Variants in CEP57L1 observed in about 807,000 individuals in gnomAD.
CEP57L1 encodes centrosomal protein 57 like 1.
In CEP57L1, 37 loss-of-function variants were observed where a neutral mutation model predicts 61.0. That is an observed-to-expected ratio of 0.61 (90% CI 0.47 to 0.80). CEP57L1 has a LOEUF of 0.80. Among genes scored for constraint, CEP57L1 ranks in the 30% least tolerant of loss-of-function variants. The pLI is 0.00. For synonymous variants in CEP57L1, 137 were observed against 162.3 expected, an observed-to-expected ratio of 0.84 and a Z score of 1.19; for missense variants, 422 against 524.7, an observed-to-expected ratio of 0.80 and a Z score of 1.91.
intron 1 of CEP57L1, among the ~76,000 whole-genome samples, chr6:109,123,725 C>G (rs1447364110): frequency 6.6e-6 from 1 of 152,082 alleles, no homozygotes; most frequent in Non-Finnish European, 1.5e-5. Context: ...CTAATTTTCT[C>G]TAGTTTTTCT....
Position 109,110,328 on chromosome 6 carries a change from A to C in CEP57L1, c.-4+14753A>C, listed in dbSNP as rs545515626. On this transcript the variant is annotated intron_variant, in intron 1 of 10. Transcript: ENST00000517392. ...TTTTTTTCATATGTTTGTTGGCTGC[A>C]TAAATGTCTTCTTTTGAGAAGTGTC... Among the ~76,000 whole-genome samples, 5 of 152,338 alleles carry C rather than the reference A, an allele frequency of 3.3e-5. No individual in the cohort carries two copies. In the South Asian group the frequency reaches 1.0e-3, roughly 32 times the overall value.
chr6:109,095,667 G>T, intron 1 of CEP57L1, 92 bp downstream of exon 1: 13 of 835,050 alleles, frequency 1.6e-5, no homozygotes, highest in Non-Finnish European at 1.9e-5. Flanking sequence ...GCCATCTAGG[G>T]TGGCCTCCCT....
At position 109,169,313 on chromosome 6, in the gene CEP57L1, T is replaced by C. The variant is rs1774299810; in HGVS notation, c.*6343T>C. 6.6e-6 allele frequency among the ~76,000 whole-genome samples: 1 copy of C among 151,980 alleles called. No homozygotes were observed. Among genetic ancestry groups the C allele is most frequent in the Admixed American group, 6.6e-5 (1 of 15,246 alleles). ...TGTGAAACTTTGTGAGTACGGGTTG[T>C]CATTTTTAATGTAGCCCTAAATGTT... On this transcript the variant is annotated 3_prime_UTR_variant, in exon 11 of 11. Coordinates refer to ENST00000517392, the MANE Select transcript of CEP57L1 (RefSeq NM_001271852.3).
intron 1 of CEP57L1, among the ~76,000 whole-genome samples, chr6:109,110,608 T>C (rs959921264): frequency 1.3e-4 from 20 of 152,240 alleles, no homozygotes; most frequent in Non-Finnish European, 2.2e-4. Context: ...CCCATGCCAA[T>C]GTCCTGAATG....
At chr6:109,137,600 T>G (rs1363615853) in intron 1 of CEP57L1, among the ~76,000 whole-genome samples, 1 of 152,202 alleles carries the variant, frequency 6.6e-6, no homozygotes, top group Non-Finnish European at 1.5e-5. Context: ...GCTCCCAGCC[T>G]CAAAACATAC....
chr6:109,129,549 C>A, intron 1 of CEP57L1: 2 of 455,518 alleles, frequency 4.4e-6, no homozygotes, highest in Non-Finnish European at 8.8e-6. Context: ...ATATAATTTA[C>A]TTCTACATTA....
At chr6:109,139,787 C>T (rs1040323628) in intron 1 of CEP57L1, among the ~76,000 whole-genome samples, 1 of 151,914 alleles carries the variant, frequency 6.6e-6, no homozygotes, top group Non-Finnish European at 1.5e-5. Context: ...CATGCCCAGC[C>T]TGCCTGGCTA....
intron 1 of CEP57L1, among the ~76,000 whole-genome samples, chr6:109,137,648 A>ATAC: frequency 6.6e-6 from 1 of 152,224 alleles, no homozygotes; most frequent in African/African-American, 2.4e-5. Context: ...TATGATTGTC[A>ATAC]TGTAATGAGT....
At chr6:109,110,214 T>A (rs1771431903) in intron 1 of CEP57L1, among the ~76,000 whole-genome samples, 1 of 152,232 alleles carries the variant, frequency 6.6e-6, no homozygotes, top group Admixed American at 6.5e-5. Context: ...GTTTCCTGAC[T>A]TTTTAAATGA....
intron 1 of CEP57L1, among the ~76,000 whole-genome samples, chr6:109,117,612 C>T (rs1772454698): frequency 6.6e-6 from 1 of 152,190 alleles, no homozygotes; most frequent in Non-Finnish European, 1.5e-5. Context: ...GTGACCTCTT[C>T]CTCTTTCCAT....
chr6:109,145,121 A>G, intron 1 of CEP57L1, 98 bp from the exon 2 acceptor site: 1 of 677,934 alleles, frequency 1.5e-6, no homozygotes, highest in Non-Finnish European at 2.4e-6. Flanking sequence ...TCCACAGTAT[A>G]TGATTATGTT....
rs999382299 is a variant in CEP57L1 at position 109,169,685 on chromosome 6, A to G, written c.*6715A>G. Among the ~76,000 whole-genome samples, 2 of 152,182 alleles carry G rather than the reference A, an allele frequency of 1.3e-5. No individual in the cohort carries two copies. The highest frequency in any genetic ancestry group is 2.9e-5 in the Non-Finnish European group (2 of 68,028). On this transcript the variant is annotated 3_prime_UTR_variant, in exon 11 of 11. Transcript: ENST00000517392. Reference sequence around the variant, plus strand: ...TTATGCTACCTCTTGGTAAAATCTAACCAAGCATGAGTCTTATGATTAAGA... The same window carrying G: ...TTATGCTACCTCTTGGTAAAATCTAGCCAAGCATGAGTCTTATGATTAAGA...
intron 2 of CEP57L1, among the ~76,000 whole-genome samples, chr6:109,146,259 ATAATTAT>A (rs1473432986): frequency 6.6e-6 from 1 of 151,946 alleles, no homozygotes; most frequent in Non-Finnish European, 1.5e-5. Context: ...CCATTAGGTT[ATAATTAT>A]CCTGGTTCTT....
chr6:109,145,444 T>C, intron 2 of CEP57L1, 63 bp downstream of exon 2: 3 of 1,117,750 alleles, frequency 2.7e-6, no homozygotes, highest in Non-Finnish European at 3.7e-6. Flanking sequence ...TTCATATTTA[T>C]GTGGAATACA....
At chr6:109,123,789 C>A (rs115277376) in intron 1 of CEP57L1, among the ~76,000 whole-genome samples, 202 of 152,220 alleles carry the variant, frequency 1.3e-3, no homozygotes, top group African/African-American at 4.7e-3. Context: ...CCACTTCTGG[C>A]CAGGCATGGT....
chr6:109,114,519 C>A (rs926818041), intron 1 of CEP57L1, among the ~76,000 whole-genome samples: 2 of 151,588 alleles, frequency 1.3e-5, no homozygotes, highest in Non-Finnish European at 2.9e-5. Context: ...CAGGAAATTT[C>A]TTCATTTTCA....
intron 1 of CEP57L1, chr6:109,130,662 T>C (rs1180693335): frequency 1.4e-5 from 2 of 144,658 alleles, no homozygotes; most frequent in South Asian, 2.2e-4. Context: ...CTGCTGGTTT[T>C]GTTTTTTTTT....
chr6:109,136,741 TTTTATTTTATTTTATTTTA>T lies in CEP57L1; in HGVS notation c.-3-8469_-3-8451del, dbSNP rs1419880812. On this transcript the variant is annotated intron_variant, in intron 1 of 10. Coordinates refer to ENST00000517392, the MANE Select transcript of CEP57L1 (RefSeq NM_001271852.3). Reference sequence around the variant, plus strand: ...TTTTATTTTATTTTATTTTATTTTATTTTATTTTATTTTATTTTATTTATTTTTTTGAGAGAGAGTCTTT... The same window carrying T: ...TTTTATTTTATTTTATTTTATTTTATTTTATTTTTTTGAGAGAGAGTCTTT... Among the ~76,000 whole-genome samples the T allele has an allele frequency of 1.3e-3, 200 of 148,568 alleles. 1 individual carries two copies. The highest frequency in any genetic ancestry group is 4.8e-3 in the African/African-American group (189 of 39,662).
chr6:109,159,225 G>A (rs768338797), intron 8 of CEP57L1, 44 bp from the exon 9 acceptor site: 1 of 1,614,048 alleles, frequency 6.2e-7, no homozygotes, highest in Non-Finnish European at 8.5e-7. Flanking sequence ...AAGTCTACCA[G>A]TGCAAGCTGT....
Sources: gnomAD v4.1 joint callset for allele counts (sites outside exome capture counted in the v4.1 genomes callset) on GRCh38, gnomAD v4.1.1 for gene constraint, MANE v1.5 for transcripts, NCBI Gene and HGNC (gene_info 2026-07-23, HGNC 2026-07-21) for gene names.